The following MARCHF10 variants were observed in gnomAD, a reference collection of about 807,000 sequenced individuals.
MARCHF10 encodes the protein probable E3 ubiquitin-protein ligase MARCHF10.
In MARCHF10, 64 loss-of-function variants were observed where a neutral mutation model predicts 76.2. That is an observed-to-expected ratio of 0.84 (90% confidence interval 0.69 to 1.03). MARCHF10 has a LOEUF of 1.03. Among genes scored for constraint, MARCHF10 ranks in the 50% least tolerant of loss-of-function variants. MARCHF10 has a pLI of 0.00. For synonymous variants in MARCHF10, 340 were observed against 357.5 expected, an observed-to-expected ratio of 0.95 and a Z score of 0.55; for missense variants, 875 against 958.0, an observed-to-expected ratio of 0.91 and a Z score of 1.14.
chr17:62,753,988 T>C (rs562945860), intron 4 of MARCHF10, among the ~76,000 whole-genome samples: 1 of 152,224 alleles, frequency 6.6e-6, no homozygotes, highest in Non-Finnish European at 1.5e-5. Context: ...ATGTATTTGC[T>C]AACATCCCCA....
intron 8 of MARCHF10, among the ~76,000 whole-genome samples, chr17:62,717,679 G>A (rs937631386): frequency 2.6e-5 from 4 of 152,206 alleles, no homozygotes; most frequent in African/African-American, 7.2e-5. Flanking sequence ...AAGGCCACAG[G>A]CTGCTGGTGG....
At chr17:62,806,978 T>C (rs2093173851) in intron 1 of MARCHF10, among the ~76,000 whole-genome samples, 1 of 152,210 alleles carries the variant, frequency 6.6e-6, no homozygotes, top group Non-Finnish European at 1.5e-5. Context: ...ATAAAGGAAA[T>C]GTAAACAATC....
At position 62,701,570 on chromosome 17, in the gene MARCHF10, C is replaced by G. The variant is rs778636248; in HGVS notation, c.*133G>C. On this transcript the variant is annotated 3_prime_UTR_variant, in exon 11 of 11. Transcript: ENST00000311269. ...AGCCAGACCCCAAAAGAGAGTGGCA[C>G]GAGGTGAAAATCTAACTGTGAACGC... The G allele has an allele frequency of 5.1e-6, 8 of 1,571,746 alleles. No individual in the cohort carries two copies. Among genetic ancestry groups the G allele is most frequent in the Non-Finnish European group, 6.9e-6 (8 of 1,161,990 alleles).
intron 2 of MARCHF10, among the ~76,000 whole-genome samples, chr17:62,800,803 T>C (rs2093058500): frequency 6.6e-6 from 1 of 152,134 alleles, no homozygotes; most frequent in Non-Finnish European, 1.5e-5. Context: ...CTATGCCAGC[T>C]CCGGGTGACT....
At chr17:62,788,879 A>C (rs1042175711) in intron 2 of MARCHF10, among the ~76,000 whole-genome samples, 5 of 150,782 alleles carry the variant, frequency 3.3e-5, no homozygotes, top group Non-Finnish European at 4.4e-5. Flanking sequence ...CTGGCTAACA[A>C]GGTGAAACCC....
intron 2 of MARCHF10, among the ~76,000 whole-genome samples, chr17:62,793,923 A>ACCACCT (rs1468122468): frequency 7.5e-6 from 1 of 134,016 alleles, no homozygotes; most frequent in East Asian, 2.4e-4. Flanking sequence ...CACCACCACC[A>ACCACCT]CCACCTCTAT....
intron 2 of MARCHF10, among the ~76,000 whole-genome samples, chr17:62,795,957 G>T (rs1453195810): frequency 6.6e-6 from 1 of 151,758 alleles, no homozygotes; most frequent in East Asian, 1.9e-4. Context: ...ATACACATGG[G>T]CTGTCTATGA....
rs78531473 is a variant in MARCHF10, at chr17:62,723,341, C to T, written c.2105-744G>A. Among the ~76,000 whole-genome samples, 231 of 151,222 alleles carry T rather than the reference C, an allele frequency of 1.5e-3. 2 individuals carry two copies. The highest frequency in any genetic ancestry group is 0.013 in the South Asian group (64 of 4,750). On this transcript the variant is annotated intron_variant, in intron 7 of 10. Coordinates refer to ENST00000311269, the MANE Select transcript of MARCHF10 (RefSeq NM_152598.4). ...CCAGACAGTTTCTCCCCCTTAGTTG[C>T]GGCTTTTGACTAATGATGTACTGGT...
intron 6 of MARCHF10, among the ~76,000 whole-genome samples, chr17:62,732,190 C>T (rs922676849): frequency 5.9e-5 from 9 of 152,060 alleles, no homozygotes; most frequent in Admixed American, 2.6e-4. Context: ...AAGTCAATAT[C>T]GCAAATATGT....
chr17:62,717,811 GC>G (rs1241500317), intron 8 of MARCHF10, among the ~76,000 whole-genome samples: 1 of 152,178 alleles, frequency 6.6e-6, no homozygotes, highest in African/African-American at 2.4e-5. Context: ...TTCTTCACTT[GC>G]CCCCTTTGAG....
chr17:62,754,598 G>A (rs2091987510), intron 4 of MARCHF10, among the ~76,000 whole-genome samples: 1 of 152,048 alleles, frequency 6.6e-6, no homozygotes, highest in Non-Finnish European at 1.5e-5. Flanking sequence ...TGAGGAAACT[G>A]AGTTCAGAGA....
chr17:62,715,489 G>T (rs1157606969), intron 8 of MARCHF10, among the ~76,000 whole-genome samples: 1 of 152,158 alleles, frequency 6.6e-6, no homozygotes, highest in Admixed American at 6.5e-5. Flanking sequence ...TTGGCTCGCC[G>T]CATGCTGCTG....
At chr17:62,718,107 T>C (rs139020928) in intron 8 of MARCHF10, among the ~76,000 whole-genome samples, 27 of 152,306 alleles carry the variant, frequency 1.8e-4, no homozygotes, top group Admixed American at 6.5e-4. Context: ...ACACTCTGTC[T>C]ATGAGGTGAT....
intron 5 of MARCHF10, among the ~76,000 whole-genome samples, chr17:62,739,921 G>A (rs2091443009): frequency 6.6e-6 from 1 of 152,180 alleles, no homozygotes; most frequent in Non-Finnish European, 1.5e-5. Context: ...GCTGGCCTGG[G>A]GGACAGAAGA....
At chr17:62,779,888 G>A (rs2092625142) in intron 3 of MARCHF10, among the ~76,000 whole-genome samples, 2 of 152,334 alleles carry the variant, frequency 1.3e-5, no homozygotes, top group South Asian at 4.1e-4. Flanking sequence ...CCTGAGGTCA[G>A]TAGTTTGAAA....
At chr17:62,744,160 GC>G (rs2091616726) in intron 5 of MARCHF10, among the ~76,000 whole-genome samples, 1 of 151,690 alleles carries the variant, frequency 6.6e-6, no homozygotes, top group Admixed American at 6.6e-5. Flanking sequence ...CCCCGACCCC[GC>G]CTTCCCCTTT....
At chr17:62,743,569 G>C (rs1005538666) in intron 5 of MARCHF10, among the ~76,000 whole-genome samples, 4 of 152,162 alleles carry the variant, frequency 2.6e-5, no homozygotes, top group African/African-American at 9.7e-5. Flanking sequence ...CTTGAATCCG[G>C]GAGGTGGAGG....
At chr17:62,756,756 A>C (rs1302487133) in intron 4 of MARCHF10, among the ~76,000 whole-genome samples, 1 of 152,196 alleles carries the variant, frequency 6.6e-6, no homozygotes, top group African/African-American at 2.4e-5. Context: ...TACTTGGCCA[A>C]AGGTAGACAG....
chr17:62,755,280 A>G (rs1235817955), intron 4 of MARCHF10, among the ~76,000 whole-genome samples: 5 of 151,802 alleles, frequency 3.3e-5, no homozygotes, highest in Non-Finnish European at 7.4e-5. Context: ...AGGGCAGGAG[A>G]GGGGACGCTT....
Sources: gnomAD v4.1 joint callset for allele counts (sites outside exome capture counted in the v4.1 genomes callset) on GRCh38, gnomAD v4.1.1 for gene constraint, MANE v1.5 for transcripts, NCBI Gene and HGNC (gene_info 2026-07-23, HGNC 2026-07-21) for gene names.